TRPC4: variants seen among roughly 807,000 people sequenced by gnomAD.
TRPC4 encodes transient receptor potential cation channel subfamily C member 4.
In TRPC4, 49 loss-of-function variants were observed where a neutral mutation model predicts 99.4. The observed-to-expected ratio is 0.49, with a 90% CI of 0.39 to 0.63. The LOEUF (loss-of-function observed/expected upper bound fraction) is 0.63. Among genes scored for constraint, TRPC4 ranks in the 20% least tolerant of loss-of-function variants. The pLI is 0.00. For missense variants in TRPC4, 898 were observed against 1,152.9 expected (o/e 0.78, Z 3.20); for synonymous variants, 454 against 425.9 (o/e 1.07, Z -0.81).
rs940136617 is a variant in TRPC4 at position 37,850,043 on chromosome 13, T to C, written c.-28+19552A>G. On this transcript the variant is annotated intron_variant, in intron 1 of 10. Transcript: ENST00000379705. The stretch of plus-strand genomic sequence containing the variant: ...AGTTTTGAATGATATCTTAAAATCA[T>C]GTGATCTGGTCTAATACAGTGTTTC... Among the ~76,000 whole-genome samples, 3 of 152,368 alleles carry C rather than the reference T, an allele frequency of 2.0e-5. No homozygotes were observed. In the East Asian group the frequency reaches 5.8e-4, roughly 29 times the overall value.
At chr13:37,704,776 A>G (rs1289694248) in intron 3 of TRPC4, among the ~76,000 whole-genome samples, 1 of 152,262 alleles carries the variant, frequency 6.6e-6, no homozygotes, top group Admixed American at 6.5e-5. Flanking sequence ...TCTTGTGTTC[A>G]TCTCCTTATT....
At chr13:37,736,402 T>C (rs1318393259) in intron 3 of TRPC4, among the ~76,000 whole-genome samples, 3 of 152,210 alleles carry the variant, frequency 2.0e-5, no homozygotes, top group Non-Finnish European at 4.4e-5. Flanking sequence ...ATATCTTTTT[T>C]CTACAGATTT....
intron 4 of TRPC4, among the ~76,000 whole-genome samples, chr13:37,680,789 CA>C (rs1295202478): frequency 6.6e-6 from 1 of 152,200 alleles, no homozygotes; most frequent in Non-Finnish European, 1.5e-5. Flanking sequence ...GAAATTCTAG[CA>C]GCGAGTGGAG....
At chr13:37,780,349 T>C (rs1400952782) in intron 2 of TRPC4, among the ~76,000 whole-genome samples, 2 of 146,216 alleles carry the variant, frequency 1.4e-5, no homozygotes, top group Non-Finnish European at 3.0e-5. Flanking sequence ...TAACTCATTT[T>C]AGGATGTTAC....
intron 2 of TRPC4, among the ~76,000 whole-genome samples, chr13:37,758,996 A>T: frequency 6.6e-6 from 1 of 151,768 alleles, no homozygotes; most frequent in South Asian, 2.1e-4. Flanking sequence ...ACTTAATAAC[A>T]TTGTTATATT....
At position 37,636,186 on chromosome 13, in the gene TRPC4, T is replaced by A. The variant is rs1239484970; in HGVS notation, c.*717A>T. Among the ~76,000 whole-genome samples the A allele has an allele frequency of 6.6e-6, 1 of 152,022 alleles. No individual in the cohort carries two copies. Among genetic ancestry groups the A allele is most frequent in the Non-Finnish European group, 1.5e-5 (1 of 67,976 alleles). ...GATAAGCAGTTGAATCTGAAATAGG[T>A]AATTAAAAAAACTGGAGGGGCGAGT... On this transcript the variant is annotated 3_prime_UTR_variant, in exon 11 of 11. Transcript: ENST00000379705.
intron 1 of TRPC4, among the ~76,000 whole-genome samples, chr13:37,856,163 G>A (rs1335994806): frequency 6.6e-6 from 1 of 151,490 alleles, no homozygotes. Flanking sequence ...CCAAATAAAT[G>A]TATTTAGAAA....
At chr13:37,837,786 G>A (rs571864891) in intron 1 of TRPC4, among the ~76,000 whole-genome samples, 1 of 152,238 alleles carries the variant, frequency 6.6e-6, no homozygotes, top group East Asian at 1.9e-4. Context: ...GAAATGTGAG[G>A]TCATAAGATG....
intron 4 of TRPC4, among the ~76,000 whole-genome samples, chr13:37,674,711 TA>T (rs1040807261): frequency 6.6e-6 from 1 of 152,184 alleles, no homozygotes; most frequent in African/African-American, 2.4e-5. Context: ...TCTTGACATA[TA>T]TTTTTCTCCC....
intron 10 of TRPC4, 114 bp downstream of exon 10, chr13:37,638,926 C>T: frequency 1.9e-6 from 2 of 1,059,454 alleles, no homozygotes; most frequent in African/African-American, 1.6e-5. Context: ...AATCAGAAGC[C>T]ACACAGGCTT....
At chr13:37,701,722 T>C (rs1166314034) in intron 3 of TRPC4, among the ~76,000 whole-genome samples, 1 of 152,286 alleles carries the variant, frequency 6.6e-6, no homozygotes, top group Non-Finnish European at 1.5e-5. Context: ...TAACCATCAA[T>C]AGTTCAAAGA....
rs187595532 is a variant in TRPC4 at position 37,698,352 on chromosome 13, A to G, written c.898-6017T>C. Among the ~76,000 whole-genome samples the G allele has an allele frequency of 3.1e-3, 465 of 150,660 alleles. 2 individuals carry two copies. The highest frequency in any genetic ancestry group is 0.011 in the African/African-American group (451 of 40,960). On this transcript the variant is annotated intron_variant, in intron 3 of 10. Transcript: ENST00000379705. ...AATTTTTTGTATTTTTAGTAGAGTC[A>G]GGGTTTCACTGTGTGAGCCAGGATG...
chr13:37,731,795 C>T (rs987564476), intron 3 of TRPC4, among the ~76,000 whole-genome samples: 2 of 151,904 alleles, frequency 1.3e-5, no homozygotes, highest in East Asian at 3.9e-4. Flanking sequence ...TATATGTTTG[C>T]CTAAATATTA....
chr13:37,719,721 C>T (rs1209871928), intron 3 of TRPC4, among the ~76,000 whole-genome samples: 1 of 151,746 alleles, frequency 6.6e-6, no homozygotes, highest in Non-Finnish European at 1.5e-5. Context: ...ATGAGGTATA[C>T]AATATAAACT....
chr13:37,705,612 C>T (rs575409764), intron 3 of TRPC4, among the ~76,000 whole-genome samples: 78 of 152,144 alleles, frequency 5.1e-4, no homozygotes, highest in South Asian at 2.1e-3. Flanking sequence ...AAAAGAAAAT[C>T]GTATGCATGA....
intron 2 of TRPC4, among the ~76,000 whole-genome samples, chr13:37,775,031 A>G (rs1444211974): frequency 8.5e-6 from 1 of 117,584 alleles, no homozygotes. Context: ...TTTAGATTTA[A>G]TCATGTTAAT....
chr13:37,743,380 T>C (rs1029453031), intron 3 of TRPC4, among the ~76,000 whole-genome samples: 2 of 152,176 alleles, frequency 1.3e-5, no homozygotes, highest in African/African-American at 4.8e-5. Flanking sequence ...CTTTGCTTCT[T>C]AGATACTGAA....
chr13:37,745,517 TAC>T (rs1232518127), intron 3 of TRPC4, among the ~76,000 whole-genome samples: 52 of 114,084 alleles, frequency 4.6e-4, no homozygotes, highest in South Asian at 2.0e-3. Flanking sequence ...TGTATATATA[TAC>T]GTATATATGT....
rs1951417797 is a variant in TRPC4, at chr13:37,632,501, A to G, written c.*4402T>C. On this transcript the variant is annotated 3_prime_UTR_variant, in exon 11 of 11. Transcript: ENST00000379705. ...TAATAGCCGTATGAGTATAGGAGCT[A>G]CGTTACTGAACAGTGCAGCTCTAGA... Among the ~76,000 whole-genome samples, 1 of 152,164 alleles carries G rather than the reference A, an allele frequency of 6.6e-6. No homozygotes were observed. The highest frequency in any genetic ancestry group is 6.5e-5 in the Admixed American group (1 of 15,272).
Sources: gnomAD v4.1 joint callset for allele counts (sites outside exome capture counted in the v4.1 genomes callset) on GRCh38, gnomAD v4.1.1 for gene constraint, MANE v1.5 for transcripts, NCBI Gene and HGNC (gene_info 2026-07-23, HGNC 2026-07-21) for gene names.